Variants in THSD4 observed in about 807,000 individuals in gnomAD.
The protein encoded by THSD4 is thrombospondin type 1 domain containing 4.
Under a neutral mutation model 119.0 loss-of-function variants are expected in THSD4, and 69 were observed. That is an observed-to-expected ratio of 0.58 (90% CI 0.48 to 0.71). THSD4 has a LOEUF of 0.71. Ranked by LOEUF, THSD4 falls within the 30% of genes least tolerant of loss-of-function variation. The pLI is 0.00. For synonymous variants in THSD4, 524 were observed against 540.4 expected (o/e 0.97, Z 0.42); for missense variants, 1,393 against 1,391.1 (o/e 1.00, Z -0.02).
At chr15:71,170,834 G>T (rs2043353060) in intron 3 of THSD4, among the ~76,000 whole-genome samples, 1 of 151,992 alleles carries the variant, frequency 6.6e-6, no homozygotes, top group African/African-American at 2.4e-5. Context: ...GTAGAGGCAT[G>T]GAAGATATTA....
chr15:71,377,123 G>T (rs2046148577), intron 6 of THSD4, among the ~76,000 whole-genome samples: 1 of 152,238 alleles, frequency 6.6e-6, no homozygotes, highest in Non-Finnish European at 1.5e-5. Context: ...GGGAATCAAT[G>T]TGGCAGGATG....
At chr15:71,282,744 A>T (rs766797401) in intron 6 of THSD4, among the ~76,000 whole-genome samples, 22 of 151,978 alleles carry the variant, frequency 1.4e-4, no homozygotes, top group Admixed American at 1.4e-3. Flanking sequence ...GTCCAACTCA[A>T]AGCTTACCAG....
At chr15:71,474,511 G>A (rs1349901107) in intron 7 of THSD4, among the ~76,000 whole-genome samples, 4 of 152,102 alleles carry the variant, frequency 2.6e-5, no homozygotes, top group African/African-American at 4.8e-5. Context: ...TTAAGCCACC[G>A]CGCCTGGCCT....
At chr15:71,372,472 T>C (rs2046068310) in intron 6 of THSD4, among the ~76,000 whole-genome samples, 2 of 152,232 alleles carry the variant, frequency 1.3e-5, no homozygotes, top group South Asian at 4.1e-4. Context: ...GGATGTCCTT[T>C]CTGTTTGTTA....
intron 7 of THSD4, among the ~76,000 whole-genome samples, chr15:71,639,077 C>T (rs1452677296): frequency 1.3e-5 from 2 of 152,208 alleles, no homozygotes; most frequent in South Asian, 2.1e-4. Flanking sequence ...GCCACTCCCA[C>T]TCACATCCCA....
chr15:71,441,718 T>C lies in THSD4; in HGVS notation c.1152+29895T>C, dbSNP rs139077281. Among the ~76,000 whole-genome samples the C allele has an allele frequency of 2.6e-5, 4 of 151,906 alleles. No homozygotes were observed. The East Asian group carries it at 5.9e-4, about 22-fold the overall frequency. ...TCACCTGTAGAACTTTAAGAAGATA[T>C]AGTAACATGCAGTAGGACTTACTAC... On this transcript the variant is annotated intron_variant, in intron 7 of 17. Transcript: ENST00000261862.
rs979635426 is a variant in THSD4 at position 71,748,741 on chromosome 15, G to T, written c.2415+147G>T. 2.3e-5 allele frequency: 24 copies of T among 1,049,650 alleles called. 1 individual carries two copies. The highest frequency in any genetic ancestry group is 3.1e-5 in the Non-Finnish European group (23 of 743,422). The allele number at this position is 1,049,650 out of a possible 1,614,324, so 65.0% of individuals were successfully genotyped here. On this transcript the variant is annotated intron_variant, in intron 14 of 17. Coordinates refer to ENST00000261862, the MANE Select transcript of THSD4 (RefSeq NM_024817.3). ...AAGGCCCAGAGAGGAATTATCGTAG[G>T]CTTTCTATCCTTATGTGAGGACTGA...
chr15:71,359,367 A>G (rs953390257), intron 6 of THSD4, among the ~76,000 whole-genome samples: 1 of 152,236 alleles, frequency 6.6e-6, no homozygotes, highest in Non-Finnish European at 1.5e-5. Flanking sequence ...TAGCAAAAAC[A>G]TTACTTACGT....
At chr15:71,097,957 G>A (rs534793709) in intron 1 of THSD4, among the ~76,000 whole-genome samples, 102 of 151,722 alleles carry the variant, frequency 6.7e-4, no homozygotes, top group African/African-American at 2.3e-3. Flanking sequence ...TGACCTTCTC[G>A]CAGTGATGTT....
At chr15:71,144,179 A>T (rs2040634048) in intron 2 of THSD4, among the ~76,000 whole-genome samples, 1 of 152,166 alleles carries the variant, frequency 6.6e-6, no homozygotes, top group South Asian at 2.1e-4. Context: ...AATTATGAGG[A>T]CAGCTGATTC....
At chr15:71,486,611 GT>G (rs200120589) in intron 7 of THSD4, among the ~76,000 whole-genome samples, 17,627 of 131,464 alleles carry the variant, frequency 0.13, 1,269 homozygotes, top group African/African-American at 0.23. Context: ...TTTCTTTTCT[GT>G]TTTTTTTTTT....
chr15:71,616,780 G>A (rs1474534900), intron 7 of THSD4, among the ~76,000 whole-genome samples: 1 of 152,182 alleles, frequency 6.6e-6, no homozygotes, highest in Non-Finnish European at 1.5e-5. Flanking sequence ...CAAGAGGCTT[G>A]GATTGGACTG....
chr15:71,631,068 C>T (rs901530774), intron 7 of THSD4, among the ~76,000 whole-genome samples: 3 of 152,144 alleles, frequency 2.0e-5, no homozygotes, highest in East Asian at 1.9e-4. Flanking sequence ...AAGATCTCCC[C>T]GCAGTTGAGT....
chr15:71,577,100 A>G (rs1388132867), intron 7 of THSD4, among the ~76,000 whole-genome samples: 1 of 152,154 alleles, frequency 6.6e-6, no homozygotes, highest in African/African-American at 2.4e-5. Context: ...ACAAAAAAAA[A>G]AAAAACCTTT....
At chr15:71,485,865 G>A (rs569436445) in intron 7 of THSD4, among the ~76,000 whole-genome samples, 2 of 152,278 alleles carry the variant, frequency 1.3e-5, no homozygotes, top group Non-Finnish European at 2.9e-5. Flanking sequence ...ACAGCCCAGT[G>A]ACAAGTTTGT....
At chr15:71,666,118 G>T (rs2051412971) in intron 8 of THSD4, among the ~76,000 whole-genome samples, 1 of 152,008 alleles carries the variant, frequency 6.6e-6, no homozygotes, top group African/African-American at 2.4e-5. Context: ...AATGATATTG[G>T]TTCTTCCTAT....
At chr15:71,518,257 A>T (rs1461870315) in intron 7 of THSD4, among the ~76,000 whole-genome samples, 1 of 152,068 alleles carries the variant, frequency 6.6e-6, no homozygotes, top group East Asian at 1.9e-4. Flanking sequence ...GGAAAATTTA[A>T]TTCCTCTTGC....
chr15:71,581,999 G>A (rs1182522888), intron 7 of THSD4, among the ~76,000 whole-genome samples: 2 of 152,016 alleles, frequency 1.3e-5, no homozygotes, highest in African/African-American at 2.4e-5. Flanking sequence ...AGGATTTTTT[G>A]TGGTTTTATT....
At chr15:71,636,250 C>A in intron 7 of THSD4, among the ~76,000 whole-genome samples, 1 of 152,022 alleles carries the variant, frequency 6.6e-6, no homozygotes. Flanking sequence ...GGTGAAACCC[C>A]ATCTCTACTA....
Sources: allele counts gnomAD v4.1 joint callset (sites outside exome capture counted in the v4.1 genomes callset), GRCh38; gene constraint gnomAD v4.1.1; transcripts MANE v1.5; gene names NCBI Gene and HGNC (gene_info 2026-07-23, HGNC 2026-07-21).